The following FAM184B variants were observed in gnomAD, a reference collection of about 807,000 sequenced individuals.
FAM184B encodes the protein protein FAM184B.
Under a neutral mutation model 135.9 loss-of-function variants are expected in FAM184B, and 111 were observed. The ratio of observed to expected loss-of-function variants is 0.82; its 90% CI spans 0.70 to 0.96. The LOEUF (loss-of-function observed/expected upper bound fraction) is 0.96, where lower values mean the gene tolerates loss of function less well. FAM184B is among the 40% of genes least tolerant of loss of function. FAM184B has a pLI of 0.00. For missense variants in FAM184B, 1,375 were observed against 1,323.9 expected (o/e 1.04, Z -0.60); for synonymous variants, 552 against 524.8 (o/e 1.05, Z -0.71).
intron 11 of FAM184B, among the ~76,000 whole-genome samples, chr4:17,652,378 C>T (rs1175210869): frequency 6.6e-6 from 1 of 152,212 alleles, no homozygotes; most frequent in Admixed American, 6.5e-5. Flanking sequence ...CCCGCCTCAG[C>T]CTCCCAAAGT....
intron 12 of FAM184B, among the ~76,000 whole-genome samples, chr4:17,646,993 T>G (rs937372854): frequency 1.3e-5 from 2 of 152,124 alleles, no homozygotes; most frequent in African/African-American, 4.8e-5. Flanking sequence ...TCTGGTAAAA[T>G]GTTCTGAGAA....
intron 9 of FAM184B, among the ~76,000 whole-genome samples, chr4:17,659,236 G>T (rs1295704883): frequency 6.6e-6 from 1 of 151,690 alleles, no homozygotes; most frequent in East Asian, 1.9e-4. Context: ...CTGCCGCGTA[G>T]CTGGGAGTAC....
chr4:17,683,601 A>G (rs1250828728), intron 7 of FAM184B, among the ~76,000 whole-genome samples: 1 of 152,190 alleles, frequency 6.6e-6, no homozygotes, highest in Non-Finnish European at 1.5e-5. Context: ...CCATTGAAGT[A>G]TTATCTATAA....
intron 1 of FAM184B, among the ~76,000 whole-genome samples, chr4:17,778,900 G>A (rs1577300185): frequency 6.6e-6 from 1 of 152,016 alleles, no homozygotes; most frequent in East Asian, 1.9e-4. Flanking sequence ...ACTCTAGGCA[G>A]CAATAAAAAG....
intron 7 of FAM184B, among the ~76,000 whole-genome samples, chr4:17,681,334 G>T (rs1310417033): frequency 6.6e-6 from 1 of 152,196 alleles, no homozygotes. Context: ...CTCCTAAGGA[G>T]GTCTTGGGCA....
intron 1 of FAM184B, among the ~76,000 whole-genome samples, chr4:17,747,184 G>T (rs146309603): frequency 1.1e-3 from 161 of 152,250 alleles, no homozygotes; most frequent in South Asian, 5.4e-3. Context: ...GTGGGGGGCG[G>T]TGTGAGCCAA....
At chr4:17,668,677 C>T (rs1179035019) in intron 7 of FAM184B, among the ~76,000 whole-genome samples, 3 of 152,132 alleles carry the variant, frequency 2.0e-5, no homozygotes, top group East Asian at 3.9e-4. Context: ...GGACTACAGG[C>T]GTGTGACAAC....
intron 7 of FAM184B, among the ~76,000 whole-genome samples, chr4:17,671,534 T>C (rs548544607): frequency 6.6e-6 from 1 of 152,120 alleles, no homozygotes; most frequent in Non-Finnish European, 1.5e-5. Flanking sequence ...GATTCTCTTG[T>C]ACAAGATCAG....
At chr4:17,740,933 C>G (rs1041242964) in intron 1 of FAM184B, among the ~76,000 whole-genome samples, 9 of 152,110 alleles carry the variant, frequency 5.9e-5, no homozygotes, top group Non-Finnish European at 1.2e-4. Flanking sequence ...GAATGAATAG[C>G]CAACTCATTA....
chr4:17,638,188 T>C (rs1421253590), intron 14 of FAM184B, among the ~76,000 whole-genome samples: 1 of 150,022 alleles, frequency 6.7e-6, no homozygotes, highest in African/African-American at 2.5e-5. Context: ...TTTTTTTGTT[T>C]TGTTTTGTTT....
intron 1 of FAM184B, among the ~76,000 whole-genome samples, chr4:17,738,708 C>G (rs548966674): frequency 2.0e-5 from 3 of 152,216 alleles, no homozygotes; most frequent in Admixed American, 2.0e-4. Flanking sequence ...CTCCAAATCT[C>G]ATGTTGAAAT....
chr4:17,649,348 G>T (rs181885361), intron 11 of FAM184B, among the ~76,000 whole-genome samples: 46 of 152,290 alleles, frequency 3.0e-4, no homozygotes, highest in African/African-American at 1.1e-3. Context: ...ACTTTGGGAG[G>T]CCGACGTGGG....
chr4:17,656,311 TAGA>T (rs757814025), intron 10 of FAM184B, among the ~76,000 whole-genome samples: 67 of 152,208 alleles, frequency 4.4e-4, no homozygotes, highest in Non-Finnish European at 4.4e-4. Flanking sequence ...AAAAAAGATT[TAGA>T]AGGATTGAAG....
intron 16 of FAM184B, 92 bp from the exon 17 acceptor site, chr4:17,633,980 A>C: frequency 9.6e-7 from 1 of 1,041,226 alleles, no homozygotes. Context: ...CCCAATCAAA[A>C]TTGTATCGGA....
chr4:17,726,318 G>A (rs4631043), intron 1 of FAM184B, among the ~76,000 whole-genome samples: 44,155 of 152,080 alleles, frequency 0.29, 6,669 homozygotes, highest in South Asian at 0.33. Flanking sequence ...TGAAAAGCCC[G>A]AAGCCAGGGC....
chr4:17,659,274 T>C (rs1367759131), intron 9 of FAM184B, among the ~76,000 whole-genome samples: 1 of 151,904 alleles, frequency 6.6e-6, no homozygotes, highest in Non-Finnish European at 1.5e-5. Flanking sequence ...CCCGGTAATT[T>C]TTTTTTATTT....
At chr4:17,640,015 AGAC>A (rs1411346540) in intron 13 of FAM184B, among the ~76,000 whole-genome samples, 2 of 151,444 alleles carry the variant, frequency 1.3e-5, no homozygotes, top group Non-Finnish European at 2.9e-5. Flanking sequence ...TTTTTAGTAA[AGAC>A]GGGGGGTTTC....
At chr4:17,665,345 C>T (rs1716022744) in intron 7 of FAM184B, among the ~76,000 whole-genome samples, 1 of 152,158 alleles carries the variant, frequency 6.6e-6, no homozygotes, top group Admixed American at 6.5e-5. Flanking sequence ...CTCATGTTAT[C>T]ATTCTCTCCT....
At chr4:17,655,551 G>T (rs933122360) in intron 10 of FAM184B, among the ~76,000 whole-genome samples, 6 of 152,152 alleles carry the variant, frequency 3.9e-5, no homozygotes, top group African/African-American at 1.4e-4. Flanking sequence ...GTTTCACCCT[G>T]TCTCTCCAAA....
Sources: allele counts gnomAD v4.1 joint callset (sites outside exome capture counted in the v4.1 genomes callset), GRCh38; gene constraint gnomAD v4.1.1; transcripts MANE v1.5; gene names NCBI Gene and HGNC (gene_info 2026-07-23, HGNC 2026-07-21).